KNTC1: variants seen among roughly 807,000 people sequenced by gnomAD.
The protein encoded by KNTC1 is kinetochore-associated protein 1.
In KNTC1, 253 loss-of-function variants were observed where a neutral mutation model predicts 314.4. The observed-to-expected ratio is 0.80, with a 90% confidence interval of 0.73 to 0.89. The LOEUF (loss-of-function observed/expected upper bound fraction) is 0.89, where lower values mean the gene tolerates loss of function less well. Ranked by LOEUF, KNTC1 falls within the 40% of genes least tolerant of loss-of-function variation. The pLI, the probability that KNTC1 is intolerant of heterozygous loss-of-function variation, is 0.00. For synonymous variants in KNTC1, 901 were observed against 901.4 expected, an observed-to-expected ratio of 1.00 and a Z score of 0.01; for missense variants, 2,475 against 2,572.9, an observed-to-expected ratio of 0.96 and a Z score of 0.82.
At chr12:122,620,902 CCA>C (rs1874358145) in intron 60 of KNTC1, among the ~76,000 whole-genome samples, 1 of 152,148 alleles carries the variant, frequency 6.6e-6, no homozygotes, top group Non-Finnish European at 1.5e-5. Context: ...AAGGAATAAC[CCA>C]TTAACCCATG....
In KNTC1 at chr12:122,562,717, A is replaced by T; in HGVS notation, c.1604+18A>T. On this transcript the variant is annotated intron_variant, in intron 20 of 63. Transcript: ENST00000333479. ...AAATTCAGGTGTGTACATTTTTGTTAAAACTTTTTAGGCCAGGCATGGTGT... is the reference window on the plus strand; with the variant it reads ...AAATTCAGGTGTGTACATTTTTGTTTAAACTTTTTAGGCCAGGCATGGTGT... The T allele has an allele frequency of 1.3e-6, 2 of 1,553,110 alleles. No individual in the cohort carries two copies. The highest frequency in any genetic ancestry group is 1.8e-6 in the Non-Finnish European group (2 of 1,127,548).
At chr12:122,533,048 A>G (rs529007238) in intron 2 of KNTC1, among the ~76,000 whole-genome samples, 2 of 152,336 alleles carry the variant, frequency 1.3e-5, no homozygotes, top group African/African-American at 2.4e-5. Flanking sequence ...CATCTCTAAA[A>G]AAAATAAAAA....
chr12:122,615,023 A>G lies in KNTC1; in HGVS notation c.5910A>G (p.Glu1970=), dbSNP rs776479770. 3.1e-6 allele frequency: 5 copies of G among 1,613,652 alleles called. No individual in the cohort carries two copies. The East Asian group carries it at 1.1e-4, about 36-fold the overall frequency. Residue 1970 remains glutamate (E), a synonymous_variant, in exon 56 of 64, where the codon GAA becomes GAG. Transcript: ENST00000333479. ...GATTGGTGACTGAGCTGTGTTTAGA[A>G]TACAAAATCTATGACCTGCAGCTTT... is the stretch of plus-strand genomic sequence containing the variant. ...AVRLVTELCL[E]YKIYDLQLWN... is the part of the protein sequence containing the mutation.
At position 122,530,148 on chromosome 12, in the gene KNTC1, G is replaced by T; in HGVS notation, c.85G>T (p.Ala29Ser). Reference protein sequence around the residue: ...SVGSRKEHGTALYQVDLLVKI... With the variant: ...SVGSRKEHGTSLYQVDLLVKI... ...CGGTTCAAGAAAAGAACATGGAACT[G>T]CTTTATATCAAGTAGATTTGCTAGT... The change falls in exon 2 of 64, where the codon GCT becomes TCT. Residue 29 changes from alanine (A) to serine (S), a missense_variant. Physicochemically the swap from Ala to Ser is moderately conservative, Grantham distance 99 (BLOSUM62 1). Transcript: ENST00000333479. 6.2e-7 allele frequency: 1 copy of T among 1,613,532 alleles called. No homozygotes were observed. Among genetic ancestry groups the T allele is most frequent in the Non-Finnish European group, 8.5e-7 (1 of 1,179,536 alleles).
intron 19 of KNTC1, 34 bp from the exon 20 acceptor site, chr12:122,562,604 A>G (rs748476520): frequency 1.6e-6 from 2 of 1,252,452 alleles, no homozygotes; most frequent in South Asian, 2.5e-5. Flanking sequence ...ATTGTTGCAT[A>G]TAAATTCAGA....
intron 43 of KNTC1, among the ~76,000 whole-genome samples, chr12:122,594,648 T>C (rs1870782139): frequency 6.6e-6 from 1 of 152,228 alleles, no homozygotes; most frequent in Non-Finnish European, 1.5e-5. Context: ...TCTGGGCCTC[T>C]CTGGCAGTTC....
At chr12:122,527,530 A>C (rs910845094) in intron 1 of KNTC1, 179 bp downstream of exon 1, 20 of 152,360 alleles carry the variant, frequency 1.3e-4, no homozygotes, top group African/African-American at 4.6e-4. Flanking sequence ...CCTAACTGAC[A>C]AGTGTTTCAT....
chr12:122,614,975 C>CT lies in KNTC1; in HGVS notation c.5878-9dup, dbSNP rs759525973. Reference sequence around the variant, plus strand: ...TGTCTTGGAATAGCATGATTTTTTTCTTTTTTTGGCTTCAGGCAGTAAGAT... The same window carrying CT: ...TGTCTTGGAATAGCATGATTTTTTTCTTTTTTTTGGCTTCAGGCAGTAAGAT... On this transcript the variant is annotated splice_polypyrimidine_tract_variant and intron_variant, in intron 55 of 63. Transcript: ENST00000333479. 4 of 1,589,286 alleles carry CT rather than the reference C, an allele frequency of 2.5e-6. No homozygotes were observed. Among genetic ancestry groups the CT allele is most frequent in the East Asian group, 2.2e-5 (1 of 44,498 alleles).
intron 27 of KNTC1, among the ~76,000 whole-genome samples, chr12:122,575,296 C>G (rs192873976): frequency 6.6e-6 from 1 of 152,036 alleles, no homozygotes; most frequent in South Asian, 2.1e-4. Context: ...TTGTAGAGAC[C>G]GTAGAAAGCA....
chr12:122,542,056 AT>A lies in KNTC1; in HGVS notation c.454del (p.Tyr152IlefsTer19). On this transcript the variant is annotated frameshift_variant, in exon 6 of 64. Transcript: ENST00000333479. LOFTEE classifies it high-confidence loss of function. ...IEKDGSNEGTYYMLLLTYSGF... is the reference protein window; with the variant it reads ...IEKDGSNEGTXYMLLLTYSGF... ...TCTGATTTTATTTCAATAGGTACCT[AT>A]TATATGCTACTTCTTACATACAGTG... 6.5e-7 allele frequency: 1 copy of A among 1,531,838 alleles called. No homozygotes were observed. Among genetic ancestry groups the A allele is most frequent in the Non-Finnish European group, 8.8e-7 (1 of 1,133,460 alleles). 94.9% of individuals were successfully genotyped at this position (1,531,838 alleles called of 1,614,324 possible).
chr12:122,612,169 A>ATG (rs1873206016), intron 53 of KNTC1, among the ~76,000 whole-genome samples: 1 of 150,004 alleles, frequency 6.7e-6, no homozygotes. Flanking sequence ...GGGTTCAAGC[A>ATG]ATTCTCCTGC....
In KNTC1 at chr12:122,552,370, AGAT is replaced by A. The variant is rs202197408; in HGVS notation, c.1272+685_1272+687del. Among the ~76,000 whole-genome samples the A allele has an allele frequency of 6.1e-3, 926 of 152,176 alleles. 12 individuals carry two copies. The highest frequency in any genetic ancestry group is 0.021 in the African/African-American group (886 of 41,522). ...GTTATATGGGCAGCAGAGTAAAAGA[AGAT>A]GATGATGATGCAGAAGTAGGGGCCT... is the stretch of plus-strand genomic sequence containing the variant. On this transcript the variant is annotated intron_variant, in intron 16 of 63. Coordinates refer to ENST00000333479, the MANE Select transcript of KNTC1 (RefSeq NM_014708.6).
At chr12:122,616,497 G>A (rs1278462992) in intron 57 of KNTC1, among the ~76,000 whole-genome samples, 6 of 152,174 alleles carry the variant, frequency 3.9e-5, no homozygotes. Context: ...TCCTGACCTT[G>A]TGATCCGCCT....
chr12:122,580,534 C>T, intron 32 of KNTC1, 69 bp from the exon 33 acceptor site: 1 of 971,524 alleles, frequency 1.0e-6, no homozygotes, highest in Non-Finnish European at 1.6e-6. Flanking sequence ...ATTAAAATTT[C>T]TTCTTTTTAA....
intron 1 of KNTC1, among the ~76,000 whole-genome samples, chr12:122,528,444 G>A (rs1201204831): frequency 1.3e-5 from 2 of 152,120 alleles, no homozygotes; most frequent in African/African-American, 4.8e-5. Flanking sequence ...GCATTGTTCT[G>A]TGAACATTTA....
At chr12:122,606,222 C>CTTTTTTT (rs34344479) in intron 51 of KNTC1, among the ~76,000 whole-genome samples, 2 of 109,772 alleles carry the variant, frequency 1.8e-5, no homozygotes, top group South Asian at 3.0e-4. Context: ...AGATTGTTTA[C>CTTTTTTT]TTTTTTTTTT....
chr12:122,533,142 C>T (rs1007817907), intron 2 of KNTC1, among the ~76,000 whole-genome samples: 1 of 151,898 alleles, frequency 6.6e-6, no homozygotes, highest in East Asian at 1.9e-4. Context: ...GTGGACAGAT[C>T]CCTAGAAGAT....
chr12:122,558,424 C>T (rs1030105482), intron 18 of KNTC1, among the ~76,000 whole-genome samples: 7 of 151,100 alleles, frequency 4.6e-5, no homozygotes, highest in East Asian at 2.0e-4. Flanking sequence ...TGGTGTCACG[C>T]GCCTGTAGTC....
At chr12:122,615,628 A>C in intron 57 of KNTC1, 102 bp downstream of exon 57, 2 of 1,147,436 alleles carry the variant, frequency 1.7e-6, no homozygotes, top group Non-Finnish European at 2.4e-6. Flanking sequence ...TCCTTCTTAA[A>C]TAACAGAACT....
Sources: gnomAD v4.1 joint callset for allele counts (sites outside exome capture counted in the v4.1 genomes callset) on GRCh38, gnomAD v4.1.1 for gene constraint, MANE v1.5 for transcripts, NCBI Gene and HGNC (gene_info 2026-07-23, HGNC 2026-07-21) for gene names.